Variants in CRACD observed in about 807,000 individuals in gnomAD.
CRACD encodes the protein capping protein-inhibiting regulator of actin dynamics.
In CRACD, 56 loss-of-function variants were observed where a neutral mutation model predicts 106.8. The ratio of observed to expected loss-of-function variants is 0.52; its 90% CI spans 0.42 to 0.66. The LOEUF (loss-of-function observed/expected upper bound fraction) is 0.66, where lower values mean the gene tolerates loss of function less well. Ranked by LOEUF, CRACD falls within the 30% of genes least tolerant of loss-of-function variation. The probability of loss-of-function intolerance (pLI) is 0.00; values close to 1 mark genes in which losing one functional copy is unlikely to be tolerated. For synonymous variants in CRACD, 754 were observed against 670.8 expected (o/e 1.12, Z -1.92); for missense variants, 1,730 against 1,623.2 (o/e 1.07, Z -1.13).
chr4:56,310,020 A>AT (rs1321653031), intron 5 of CRACD, among the ~76,000 whole-genome samples: 1 of 147,034 alleles, frequency 6.8e-6, no homozygotes, highest in Non-Finnish European at 1.5e-5. Context: ...CCCTGTCTCA[A>AT]AAAAAAAAAA....
intron 1 of CRACD, among the ~76,000 whole-genome samples, chr4:56,064,380 C>A (rs183809533): frequency 6.6e-6 from 1 of 152,188 alleles, no homozygotes; most frequent in Non-Finnish European, 1.5e-5. Flanking sequence ...ATGTAAAAAG[C>A]AAGCAGCAAA....
chr4:56,060,659 G>A (rs547656277), intron 1 of CRACD, among the ~76,000 whole-genome samples: 12 of 152,224 alleles, frequency 7.9e-5, no homozygotes, highest in South Asian at 6.2e-4. Flanking sequence ...AAAGGGTGCC[G>A]CAATGGACTG....
intron 1 of CRACD, among the ~76,000 whole-genome samples, chr4:56,054,460 C>T (rs1229106704): frequency 6.6e-6 from 1 of 152,144 alleles, no homozygotes; most frequent in Admixed American, 6.5e-5. Flanking sequence ...GGATTACAAG[C>T]GTGAGCCGCC....
intron 1 of CRACD, among the ~76,000 whole-genome samples, chr4:56,112,107 C>T (rs142025241): frequency 0.024 from 3,641 of 152,286 alleles, 63 homozygotes; most frequent in Admixed American, 0.057. Context: ...CCCATTTCTT[C>T]TTGCTAGGCG....
At chr4:56,213,051 G>A (rs570020262) in intron 2 of CRACD, among the ~76,000 whole-genome samples, 17 of 152,308 alleles carry the variant, frequency 1.1e-4, no homozygotes, top group Non-Finnish European at 1.9e-4. Context: ...CTAGCAGGTA[G>A]CCTGTCTTGG....
intron 2 of CRACD, among the ~76,000 whole-genome samples, chr4:56,252,949 A>G (rs568682471): frequency 4.6e-5 from 7 of 152,206 alleles, no homozygotes; most frequent in Non-Finnish European, 1.0e-4. Flanking sequence ...GCAGGTTCAC[A>G]TATTTTGTGC....
chr4:56,065,095 A>T (rs112181369), intron 1 of CRACD, among the ~76,000 whole-genome samples: 1 of 148,998 alleles, frequency 6.7e-6, no homozygotes, highest in Non-Finnish European at 1.5e-5. Flanking sequence ...AAATTTTTTT[A>T]TTTTTTTTTT....
In CRACD at chr4:56,297,037, A is replaced by T. The variant is rs550433546; in HGVS notation, c.-16-1177A>T. Among the ~76,000 whole-genome samples the T allele has an allele frequency of 3.5e-3, 530 of 151,232 alleles. 3 individuals carry two copies. Among genetic ancestry groups the T allele is most frequent in the African/African-American group, 0.012 (505 of 41,120 alleles). On this transcript the variant is annotated intron_variant, in intron 3 of 10. Coordinates refer to ENST00000682029, the MANE Select transcript of CRACD (RefSeq NM_001393381.1). ...CGGGTTCAAGCGATTCTCCCATCTGAGTCTCCCAAGTAGCTGGGATTATAG... is the reference window on the plus strand; with the variant it reads ...CGGGTTCAAGCGATTCTCCCATCTGTGTCTCCCAAGTAGCTGGGATTATAG...
chr4:56,257,102 G>T (rs187201712), intron 2 of CRACD, among the ~76,000 whole-genome samples: 2,383 of 119,804 alleles, frequency 0.02, 32 homozygotes, highest in Middle Eastern at 0.049. Flanking sequence ...TTTTTTTTGA[G>T]ATGAAGTCTC....
In CRACD at chr4:56,258,080, CAAAAAAA is replaced by C. The variant is rs568556506; in HGVS notation, c.-188-14235_-188-14229del. ...TGAGACTCCATCTCAGAAAAAAAAA[CAAAAAAA>C]AAAAAGAAAAAAGAAAAGAAACATT... On this transcript the variant is annotated intron_variant, in intron 2 of 10. Coordinates refer to ENST00000682029, the MANE Select transcript of CRACD (RefSeq NM_001393381.1). 3.1e-3 allele frequency among the ~76,000 whole-genome samples: 379 copies of C among 123,328 alleles called. 2 individuals are homozygous for C. The highest frequency in any genetic ancestry group is 0.01 in the African/African-American group (342 of 33,438). 80.9% of individuals were successfully genotyped at this position (123,328 alleles called of 152,430 possible).
At chr4:56,206,517 A>G (rs1738128287) in intron 2 of CRACD, among the ~76,000 whole-genome samples, 1 of 152,232 alleles carries the variant, frequency 6.6e-6, no homozygotes, top group Non-Finnish European at 1.5e-5. Flanking sequence ...ACAGCCGTCC[A>G]TCTCTGTTAC....
intron 1 of CRACD, chr4:56,050,046 T>C (rs1044562643): frequency 3.5e-4 from 53 of 151,746 alleles, no homozygotes; most frequent in Middle Eastern, 3.2e-3. Flanking sequence ...TTTTCATGAT[T>C]ATCAGTAAAC....
chr4:56,269,135 C>A (rs1056264269), intron 2 of CRACD, among the ~76,000 whole-genome samples: 3 of 152,128 alleles, frequency 2.0e-5, no homozygotes, highest in African/African-American at 7.2e-5. Context: ...GTAATCCCAG[C>A]ACTTTGGGAG....
In CRACD at chr4:56,310,660, T is replaced by A. The variant is rs1229080755; in HGVS notation, c.286-6T>A. On this transcript the variant is annotated splice_polypyrimidine_tract_variant and splice_region_variant and intron_variant, in intron 5 of 10. Transcript: ENST00000682029. ...CTTTGACTTGAATGCTCTCTTACTGTTCCAGTCCAGTGATACGCCAAGTTC... is the reference window on the plus strand; with the variant it reads ...CTTTGACTTGAATGCTCTCTTACTGATCCAGTCCAGTGATACGCCAAGTTC... 1 of 1,603,220 alleles carries A rather than the reference T, an allele frequency of 6.2e-7. No individual in the cohort carries two copies. Among genetic ancestry groups the A allele is most frequent in the Non-Finnish European group, 8.5e-7 (1 of 1,170,250 alleles).
At chr4:56,183,458 G>A (rs1324407798) in intron 2 of CRACD, among the ~76,000 whole-genome samples, 3 of 152,136 alleles carry the variant, frequency 2.0e-5, no homozygotes, top group South Asian at 4.1e-4. Flanking sequence ...GACTGCACGC[G>A]AGAAAAGGAA....
chr4:56,301,284 C>A (rs116644572), intron 4 of CRACD: 23 of 1,257,288 alleles, frequency 1.8e-5, no homozygotes, highest in African/African-American at 3.1e-5. Flanking sequence ...TATTAACTTG[C>A]ATGAATGCTT....
chr4:56,218,163 T>C (rs13127195), intron 2 of CRACD, among the ~76,000 whole-genome samples: 111,928 of 152,092 alleles, frequency 0.74, 41,514 homozygotes, highest in East Asian at 0.91. Context: ...GACACTGTCT[T>C]CAAATAATGT....
In CRACD at chr4:56,316,222, C is replaced by A. The variant is rs1211305424; in HGVS notation, c.2720C>A (p.Pro907His). ...GVALKHGPSL[P>H]QERKQAPSTR... The stretch of plus-strand genomic sequence containing the variant: ...GCCCTCAAGCATGGTCCATCCCTCC[C>A]CCAAGAGCGGAAGCAAGCCCCTTCC... The change falls in exon 8 of 11, where the codon CCC becomes CAC. Residue 907 changes from proline (P) to histidine (H), a missense_variant. Physicochemically the swap from Pro to His is moderately conservative, Grantham distance 77. Coordinates refer to ENST00000682029, the MANE Select transcript of CRACD (RefSeq NM_001393381.1). 6.2e-7 allele frequency: 1 copy of A among 1,614,042 alleles called. No individual in the cohort carries two copies. Among genetic ancestry groups the A allele is most frequent in the African/African-American group, 1.3e-5 (1 of 75,054 alleles).
intron 1 of CRACD, among the ~76,000 whole-genome samples, chr4:56,125,128 T>C (rs1734616607): frequency 6.6e-6 from 1 of 152,232 alleles, no homozygotes; most frequent in African/African-American, 2.4e-5. Context: ...TGTTGTGTGA[T>C]ACTTTGGGAC....
Sources: gnomAD v4.1 joint callset for allele counts (sites outside exome capture counted in the v4.1 genomes callset) on GRCh38, gnomAD v4.1.1 for gene constraint, MANE v1.5 for transcripts, NCBI Gene and HGNC (gene_info 2026-07-23, HGNC 2026-07-21) for gene names.